Variants in MIX23 observed in about 807,000 individuals in gnomAD.
MIX23 encodes protein MIX23.
A neutral mutation model predicts 21.6 loss-of-function variants in MIX23; 13 were observed. The ratio of observed to expected loss-of-function variants is 0.60; its 90% CI spans 0.39 to 0.96. The LOEUF (loss-of-function observed/expected upper bound fraction) is 0.96. Ranked by LOEUF, MIX23 falls within the 40% of genes least tolerant of loss-of-function variation. The pLI, the probability that MIX23 is intolerant of heterozygous loss-of-function variation, is 0.00. For synonymous variants in MIX23, 59 were observed against 58.0 expected (o/e 1.02, Z -0.08); for missense variants, 144 against 171.2 (o/e 0.84, Z 0.89).
chr3:122,363,859 A>G (rs2075377470), intron 3 of MIX23, among the ~76,000 whole-genome samples: 1 of 148,630 alleles, frequency 6.7e-6, no homozygotes, highest in South Asian at 2.1e-4. Context: ...TACTCCCAGT[A>G]GCATTTTGTT....
At chr3:122,372,224 C>CAA (rs55800173) in intron 1 of MIX23, among the ~76,000 whole-genome samples, 6,962 of 44,980 alleles carry the variant, frequency 0.15, 523 homozygotes, top group African/African-American at 0.22. Context: ...CTCCAACTCT[C>CAA]AAAAAAAAAA....
chr3:122,381,190 C>G (rs1168047303), intron 1 of MIX23, among the ~76,000 whole-genome samples: 3 of 152,064 alleles, frequency 2.0e-5, no homozygotes, highest in Non-Finnish European at 2.9e-5. Flanking sequence ...CCAATATTTT[C>G]TACATTTTAT....
At chr3:122,363,067 A>T (rs1269882640) in intron 3 of MIX23, 40 bp from the exon 4 acceptor site, 1 of 1,544,310 alleles carries the variant, frequency 6.5e-7, no homozygotes, top group East Asian at 2.3e-5. Context: ...AAATTTAAAG[A>T]GCAAGAAAAA....
intron 4 of MIX23, among the ~76,000 whole-genome samples, chr3:122,360,629 C>T (rs1273948774): frequency 1.3e-5 from 2 of 151,834 alleles, no homozygotes; most frequent in African/African-American, 4.8e-5. Flanking sequence ...AAATTTAAAT[C>T]ATGTCAAAAA....
chr3:122,369,036 A>T (rs951191633), intron 2 of MIX23, among the ~76,000 whole-genome samples: 2 of 152,190 alleles, frequency 1.3e-5, no homozygotes, highest in African/African-American at 4.8e-5. Context: ...TTTATTTCCC[A>T]TCTTGATTCT....
chr3:122,371,633 G>T (rs1274482026), intron 2 of MIX23, 42 bp downstream of exon 2: 11 of 1,604,984 alleles, frequency 6.9e-6, no homozygotes, highest in Middle Eastern at 2.3e-4. Context: ...AGCCTGCAAA[G>T]AAAGGCATGA....
At chr3:122,376,424 C>G (rs2075487563) in intron 1 of MIX23, among the ~76,000 whole-genome samples, 1 of 151,704 alleles carries the variant, frequency 6.6e-6, no homozygotes, top group South Asian at 2.1e-4. Flanking sequence ...TCAAGACCAG[C>G]TTGGACAACA....
chr3:122,371,687 T>G lies in MIX23; in HGVS notation c.165A>C (p.Gln55His), dbSNP rs548081942. 2 of 1,612,022 alleles carry G rather than the reference T, an allele frequency of 1.2e-6. No individual in the cohort carries two copies. Among genetic ancestry groups the G allele is most frequent in the African/African-American group, 2.7e-5 (2 of 74,850 alleles). The change falls in exon 2 of 5, where the codon CAA becomes CAC. Residue 55 changes from glutamine to histidine, a missense_variant. Transcript: ENST00000291458. ...AAAATACACTTACAGACTCATAAAG[T>G]TGTTTACAGGTTTGGCTGGCATCAA... ...GKIDASQTCK[Q>H]LYESLMAAHA...
At chr3:122,360,326 A>G (rs2075348521) in intron 4 of MIX23, among the ~76,000 whole-genome samples, 1 of 152,206 alleles carries the variant, frequency 6.6e-6, no homozygotes, top group Non-Finnish European at 1.5e-5. Flanking sequence ...AAAATTTGGT[A>G]TGGTTATTCA....
chr3:122,371,121 G>A (rs1254836902), intron 2 of MIX23, among the ~76,000 whole-genome samples: 1 of 152,120 alleles, frequency 6.6e-6, no homozygotes, highest in Non-Finnish European at 1.5e-5. Context: ...TTCTGCTTTT[G>A]GAGACTAAAA....
intron 1 of MIX23, among the ~76,000 whole-genome samples, chr3:122,376,771 T>C (rs780373433): frequency 7.2e-5 from 11 of 152,072 alleles, no homozygotes; most frequent in African/African-American, 9.7e-5. Flanking sequence ...TGGGTACATA[T>C]AGACATAAAG....
At chr3:122,372,369 G>C (rs1223380786) in intron 1 of MIX23, among the ~76,000 whole-genome samples, 1 of 151,876 alleles carries the variant, frequency 6.6e-6, no homozygotes, top group African/African-American at 2.4e-5. Context: ...TGTCACTAGA[G>C]AAAGGCTGGA....
intron 2 of MIX23, among the ~76,000 whole-genome samples, 178 bp from the exon 3 acceptor site, chr3:122,368,500 A>G (rs1439917960): frequency 6.6e-6 from 1 of 152,126 alleles, no homozygotes; most frequent in Non-Finnish European, 1.5e-5. Flanking sequence ...TAAAAACATA[A>G]CTGGCAGCAT....
intron 2 of MIX23, among the ~76,000 whole-genome samples, chr3:122,370,831 A>G (rs1004168165): frequency 3.9e-5 from 6 of 152,214 alleles, no homozygotes; most frequent in African/African-American, 1.4e-4. Context: ...ATTTTCTCAA[A>G]GAAGACTTAC....
At chr3:122,361,001 G>T (rs55973834) in intron 4 of MIX23, among the ~76,000 whole-genome samples, 2,611 of 152,064 alleles carry the variant, frequency 0.017, 57 homozygotes, top group East Asian at 0.088. Flanking sequence ...CCGCCACCAT[G>T]CCCAGCTAAT....
intron 4 of MIX23, 76 bp from the exon 5 acceptor site, chr3:122,359,995 T>G: frequency 1.4e-6 from 2 of 1,382,404 alleles, no homozygotes; most frequent in Non-Finnish European, 2.0e-6. Flanking sequence ...TTCAATTTAG[T>G]AGGCTCCAAA....
At chr3:122,381,862 G>A (rs911551101) in intron 1 of MIX23, among the ~76,000 whole-genome samples, 4 of 152,086 alleles carry the variant, frequency 2.6e-5, no homozygotes, top group Admixed American at 1.3e-4. Context: ...AGGAAGAGAA[G>A]CCTTACTATA....
chr3:122,363,310 T>C (rs778765478), intron 3 of MIX23, among the ~76,000 whole-genome samples: 1 of 148,164 alleles, frequency 6.7e-6, no homozygotes, highest in Non-Finnish European at 1.5e-5. Context: ...ACAGAAGACA[T>C]ACAAAAGGCC....
At chr3:122,379,268 C>T in intron 1 of MIX23, among the ~76,000 whole-genome samples, 1 of 152,152 alleles carries the variant, frequency 6.6e-6, no homozygotes, top group East Asian at 1.9e-4. Context: ...TTTATAGGAA[C>T]CTGTTGAGAA....
Sources: gnomAD v4.1 joint callset for allele counts (sites outside exome capture counted in the v4.1 genomes callset) on GRCh38, gnomAD v4.1.1 for gene constraint, MANE v1.5 for transcripts, NCBI Gene and HGNC (gene_info 2026-07-23, HGNC 2026-07-21) for gene names.